The following HPSE2 variants were observed in gnomAD, a reference collection of about 807,000 sequenced individuals.
HPSE2 encodes the protein inactive heparanase-2.
HPSE2 carries 38 observed loss-of-function variants against 60.5 expected under a neutral mutation model. That is an observed-to-expected ratio of 0.63 (90% CI 0.48 to 0.82). The LOEUF (loss-of-function observed/expected upper bound fraction) is 0.82. Among genes scored for constraint, HPSE2 ranks in the 40% least tolerant of loss-of-function variants. The pLI is 0.00. For synonymous variants in HPSE2, 295 were observed against 293.2 expected, an observed-to-expected ratio of 1.01 and a Z score of -0.06; for missense variants, 713 against 740.4, an observed-to-expected ratio of 0.96 and a Z score of 0.43.
At chr10:98,973,597 C>G (rs533961210) in intron 3 of HPSE2, among the ~76,000 whole-genome samples, 3 of 152,338 alleles carry the variant, frequency 2.0e-5, no homozygotes, top group East Asian at 3.9e-4. Context: ...TAAAAAGCAT[C>G]TGGCACATAA....
intron 2 of HPSE2, among the ~76,000 whole-genome samples, chr10:99,156,315 C>A (rs1351784643): frequency 7.8e-6 from 1 of 128,682 alleles, no homozygotes; most frequent in Non-Finnish European, 1.7e-5. Flanking sequence ...AATTTTAGAC[C>A]AATATCCTTG....
chr10:98,881,594 G>T (rs778688936), intron 3 of HPSE2, among the ~76,000 whole-genome samples: 12 of 151,966 alleles, frequency 7.9e-5, no homozygotes, highest in African/African-American at 2.9e-4. Context: ...GGATGTTTTC[G>T]AATAATAATA....
Position 98,931,002 on chromosome 10 carries a change from G to A in HPSE2, c.611-186946C>T, listed in dbSNP as rs536896593. On this transcript the variant is annotated intron_variant, in intron 3 of 11. Transcript: ENST00000370552. ...ATCCCATTTGTCAATTTTTGTTTTT[G>A]TTGCAATTGCTTTTGGAGATTTCTT... Among the ~76,000 whole-genome samples the A allele has an allele frequency of 1.1e-4, 16 of 143,852 alleles. 2 individuals carry two copies. The highest frequency in any genetic ancestry group is 2.2e-4 in the Non-Finnish European group (15 of 67,118). 94.4% of individuals were successfully genotyped at this position (143,852 alleles called of 152,430 possible).
intron 3 of HPSE2, among the ~76,000 whole-genome samples, chr10:98,809,464 C>G (rs1287816061): frequency 1.3e-5 from 2 of 151,986 alleles, no homozygotes; most frequent in Non-Finnish European, 2.9e-5. Flanking sequence ...GAGATAGCAA[C>G]TTGATAAACA....
chr10:98,902,411 A>G (rs1326269568), intron 3 of HPSE2, among the ~76,000 whole-genome samples: 4 of 152,162 alleles, frequency 2.6e-5, no homozygotes, highest in Non-Finnish European at 5.9e-5. Flanking sequence ...TTAAAGCCCA[A>G]GATCTCAGGT....
intron 11 of HPSE2, among the ~76,000 whole-genome samples, chr10:98,461,072 A>C (rs1940267414): frequency 6.6e-6 from 1 of 152,280 alleles, no homozygotes; most frequent in Non-Finnish European, 1.5e-5. Flanking sequence ...TCTGAGCTGT[A>C]AAGAGAATAG....
intron 3 of HPSE2, among the ~76,000 whole-genome samples, chr10:98,946,997 C>A (rs1283540501): frequency 6.9e-6 from 1 of 145,362 alleles, no homozygotes; most frequent in South Asian, 2.1e-4. Flanking sequence ...AACCATGGGG[C>A]CCATAAGGAG....
At chr10:99,152,894 G>A (rs1051879319) in intron 2 of HPSE2, among the ~76,000 whole-genome samples, 57 of 152,320 alleles carry the variant, frequency 3.7e-4, no homozygotes, top group African/African-American at 1.3e-3. Context: ...GTGGGTGCGC[G>A]CATCGTGCGC....
chr10:98,678,001 C>T (rs565573334), intron 6 of HPSE2, among the ~76,000 whole-genome samples: 62 of 152,182 alleles, frequency 4.1e-4, no homozygotes, highest in African/African-American at 1.5e-3. Context: ...TTAAACATAG[C>T]TAAAAATCTG....
At chr10:98,807,386 A>C (rs1951067405) in intron 3 of HPSE2, among the ~76,000 whole-genome samples, 1 of 152,216 alleles carries the variant, frequency 6.6e-6, no homozygotes, top group Non-Finnish European at 1.5e-5. Flanking sequence ...TTACTCTTTA[A>C]ATCAGACATC....
At chr10:98,659,129 A>C (rs984865294) in intron 6 of HPSE2, among the ~76,000 whole-genome samples, 2 of 151,634 alleles carry the variant, frequency 1.3e-5, no homozygotes, top group African/African-American at 4.8e-5. Flanking sequence ...ACTACTAATC[A>C]TTTTTTTTGT....
chr10:99,273,003 A>T, the HPSE2 span, among the ~76,000 whole-genome samples: 1 of 152,228 alleles, frequency 6.6e-6, no homozygotes, highest in South Asian at 2.1e-4. Flanking sequence ...AATTGCAAAA[A>T]TATGGAACCA....
intron 9 of HPSE2, among the ~76,000 whole-genome samples, chr10:98,555,121 G>A (rs1943967501): frequency 6.6e-6 from 1 of 152,132 alleles, no homozygotes; most frequent in South Asian, 2.1e-4. Context: ...GGAGGTACTG[G>A]TTTAGACATG....
chr10:98,686,945 A>G (rs1311983380), intron 6 of HPSE2, among the ~76,000 whole-genome samples: 1 of 152,222 alleles, frequency 6.6e-6, no homozygotes, highest in Non-Finnish European at 1.5e-5. Flanking sequence ...CAGTGTTATT[A>G]AAATCTGCTA....
At chr10:99,263,966 A>G in the HPSE2 span, among the ~76,000 whole-genome samples, 31 of 151,898 alleles carry the variant, frequency 2.0e-4, no homozygotes, top group Non-Finnish European at 3.1e-4. Flanking sequence ...CCTATTCTTT[A>G]CTTTTATACT....
chr10:98,697,803 G>A (rs1164750136), intron 5 of HPSE2, among the ~76,000 whole-genome samples: 1 of 152,128 alleles, frequency 6.6e-6, no homozygotes, highest in African/African-American at 2.4e-5. Flanking sequence ...GACTAACAGT[G>A]GTCCTCTCAG....
intron 3 of HPSE2, among the ~76,000 whole-genome samples, chr10:98,828,744 A>G (rs574540215): frequency 1.1e-4 from 16 of 152,334 alleles, no homozygotes; most frequent in African/African-American, 3.8e-4. Context: ...AGAAATTTGA[A>G]TCCTTGTGTG....
At chr10:99,109,411 T>C (rs1404361317) in intron 3 of HPSE2, among the ~76,000 whole-genome samples, 1 of 152,158 alleles carries the variant, frequency 6.6e-6, no homozygotes, top group Non-Finnish European at 1.5e-5. Flanking sequence ...CTTGGAATTA[T>C]TGCCTAGAGT....
intron 3 of HPSE2, among the ~76,000 whole-genome samples, chr10:99,096,583 T>C (rs1213417116): frequency 6.6e-6 from 1 of 152,234 alleles, no homozygotes; most frequent in Admixed American, 6.5e-5. Context: ...GTACCTCTTC[T>C]GGATTGACTG....
Sources: gnomAD v4.1 joint callset for allele counts (sites outside exome capture counted in the v4.1 genomes callset) on GRCh38, gnomAD v4.1.1 for gene constraint, MANE v1.5 for transcripts, NCBI Gene and HGNC (gene_info 2026-07-23, HGNC 2026-07-21) for gene names.